Variants in PEAR1 observed in about 807,000 individuals in gnomAD.
PEAR1 encodes the protein platelet endothelial aggregation receptor 1.
Under a neutral mutation model 131.2 loss-of-function variants are expected in PEAR1, and 113 were observed. That is an observed-to-expected ratio of 0.86 (90% CI 0.74 to 1.01). PEAR1 has a LOEUF of 1.01. Among genes scored for constraint, PEAR1 ranks in the 50% least tolerant of loss-of-function variants. The pLI is 0.00. For synonymous variants in PEAR1, 565 were observed against 523.3 expected (o/e 1.08, Z -1.09); for missense variants, 1,408 against 1,391.1 (o/e 1.01, Z -0.19).
intron 1 of PEAR1, among the ~76,000 whole-genome samples, chr1:156,900,842 G>C (rs751882148): frequency 6.6e-6 from 1 of 152,128 alleles, no homozygotes; most frequent in African/African-American, 2.4e-5. Context: ...GGGTCCAGGA[G>C]TGGTCTCATT....
intron 22 of PEAR1, 138 bp downstream of exon 22, chr1:156,914,238 A>G (rs1408814838): frequency 2.2e-6 from 3 of 1,368,826 alleles, no homozygotes; most frequent in Non-Finnish European, 2.9e-6. Flanking sequence ...TCGGGCTCAA[A>G]TCAGGCATGA....
rs747134777 is a variant in PEAR1 at position 156,913,680 on chromosome 1, C to G, written c.2645-12C>G. The G allele has an allele frequency of 2.5e-5, 41 of 1,612,950 alleles. 1 individual carries two copies. In the South Asian group the frequency reaches 4.4e-4, roughly 17 times the overall value. ...ACAGAGGGCTGATTACCAGTTGCCT[C>G]CTCCTCCTCAGGGAGCAGCCGCCTG... On this transcript the variant is annotated splice_polypyrimidine_tract_variant and intron_variant, in intron 20 of 22. Coordinates refer to ENST00000292357, the MANE Select transcript of PEAR1 (RefSeq NM_001080471.3).
rs556188174 is a variant in PEAR1, at chr1:156,894,833, G to A, written c.-10+996G>A. Among the ~76,000 whole-genome samples the A allele has an allele frequency of 9.2e-5, 14 of 152,316 alleles. No individual in the cohort carries two copies. In the East Asian group the frequency reaches 1.4e-3, roughly 15 times the overall value. On this transcript the variant is annotated intron_variant, in intron 1 of 22. Transcript: ENST00000292357. ...CCCAGGCTCAGCCAGGGCTCAGCTC[G>A]GGCAGGATTGGGCCGGGTGTCAGCT...
At chr1:156,905,506 C>A (rs2102989612) in intron 4 of PEAR1, 82 bp downstream of exon 4, 5 of 1,257,654 alleles carry the variant, frequency 4.0e-6, no homozygotes, top group African/African-American at 1.5e-5. Context: ...TCCCTCCCGG[C>A]CCCCGCTAGA....
chr1:156,914,107 C>G lies in PEAR1; in HGVS notation c.2962+7C>G, dbSNP rs1170767358. On this transcript the variant is annotated splice_region_variant and intron_variant, in intron 22 of 22. Coordinates refer to ENST00000292357, the MANE Select transcript of PEAR1 (RefSeq NM_001080471.3). ...CCCAGCCCCCTGATCCATGGTGAGC[C>G]CTCCCTCTCCACTGGCAGGAGCAGC... The G allele has an allele frequency of 6.3e-7, 1 of 1,579,470 alleles. No homozygotes were observed. Among genetic ancestry groups the G allele is most frequent in the Admixed American group, 1.8e-5 (1 of 56,018 alleles).
At chr1:156,901,749 G>A (rs1008293998) in intron 1 of PEAR1, among the ~76,000 whole-genome samples, 2 of 152,176 alleles carry the variant, frequency 1.3e-5, no homozygotes, top group African/African-American at 2.4e-5. Context: ...GAGGGCTCGG[G>A]GTCCTGACCA....
At chr1:156,903,807 G>A (rs892905299) in intron 1 of PEAR1, 111 bp from the exon 2 acceptor site, 7 of 831,742 alleles carry the variant, frequency 8.4e-6, no homozygotes, top group South Asian at 4.6e-5. Flanking sequence ...CAGAGGACAC[G>A]GGGCCGCAGT....
In PEAR1 at chr1:156,911,087, T is replaced by G. The variant is rs562961124; in HGVS notation, c.1951+344T>G. On this transcript the variant is annotated intron_variant, in intron 15 of 22. Coordinates refer to ENST00000292357, the MANE Select transcript of PEAR1 (RefSeq NM_001080471.3). ...TTTCTTTCTTTCTTTCTTTCTTTCTTTCTTTCCTTTCTTTCTTTCTTTTCT... is the reference window on the plus strand; with the variant it reads ...TTTCTTTCTTTCTTTCTTTCTTTCTGTCTTTCCTTTCTTTCTTTCTTTTCT... Among the ~76,000 whole-genome samples the G allele has an allele frequency of 1.5e-3, 206 of 141,180 alleles. 3 individuals carry two copies. The highest frequency in any genetic ancestry group is 2.5e-3 in the Non-Finnish European group (168 of 66,592). 92.6% of individuals were successfully genotyped at this position (141,180 alleles called of 152,430 possible).
Position 156,904,799 on chromosome 1 carries a change from C to T in PEAR1, c.153C>T (p.Pro51=), listed in dbSNP as rs772834355. 1.9e-6 allele frequency: 3 copies of T among 1,613,908 alleles called. No homozygotes were observed. The highest frequency in any genetic ancestry group is 2.5e-6 in the Non-Finnish European group (3 of 1,179,898). The change falls in exon 3 of 23, where the codon CCC becomes CCT. Residue 51 remains proline (P), a synonymous_variant. Transcript: ENST00000292357. ...ESHSRPFSLL[P]SEPCERPWEG... The stretch of plus-strand genomic sequence containing the variant: ...ACTCCCGCCCCTTCAGCCTGCTCCC[C>T]TCAGAGCCCTGCGAGCGGCCCTGGG...
intron 1 of PEAR1, among the ~76,000 whole-genome samples, chr1:156,898,566 A>G (rs1045371966): frequency 1.3e-5 from 2 of 152,084 alleles, no homozygotes; most frequent in Admixed American, 1.3e-4. Context: ...CTCCCTGTGT[A>G]GGGAGGGAGG....
intron 3 of PEAR1, chr1:156,905,065 G>T: frequency 1.5e-5 from 19 of 1,246,858 alleles, no homozygotes; most frequent in African/African-American, 3.2e-5. Flanking sequence ...GCATGTTACA[G>T]TATATGCCTG....
In PEAR1 at chr1:156,904,729, C is replaced by T; in HGVS notation, c.102-19C>T. On this transcript the variant is annotated intron_variant, in intron 2 of 22. Transcript: ENST00000292357. The stretch of plus-strand genomic sequence containing the variant: ...GCCTCCTCCTGCCCTCGGCCCTGAC[C>T]CTGTTCCCTGTCTTGCAGCTTCACT... The T allele has an allele frequency of 6.2e-7, 1 of 1,601,360 alleles. No individual in the cohort carries two copies. Among genetic ancestry groups the T allele is most frequent in the South Asian group, 1.1e-5 (1 of 88,864 alleles).
rs758936152 is a variant in PEAR1 at position 156,910,050 on chromosome 1, C to T, written c.1620C>T (p.Asp540=). ...GTTGTGCCAGTCGCTGTGACTGTGA[C>T]CACTCTGATGGCTGTGACCCTGTTC... ...GEGCASRCDC[D]HSDGCDPVHG... Residue 540 remains aspartate (D), a synonymous_variant, in exon 13 of 23, where the codon GAC becomes GAT. Transcript: ENST00000292357. The T allele has an allele frequency of 3.7e-6, 6 of 1,614,012 alleles. No individual in the cohort carries two copies. The South Asian group carries it at 6.6e-5, about 18-fold the overall frequency.
rs1389051781 is a variant in PEAR1, at chr1:156,908,910, T to C, written c.1291-6T>C. 6.2e-7 allele frequency: 1 copy of C among 1,612,928 alleles called. No homozygotes were observed. Among genetic ancestry groups the C allele is most frequent in the East Asian group, 2.2e-5 (1 of 44,874 alleles). ...CCGCCCCTCTCACCCGCTCACCCTCTTTCAGGGCCCTCACTGTGCTAGTCT... is the reference window on the plus strand; with the variant it reads ...CCGCCCCTCTCACCCGCTCACCCTCCTTCAGGGCCCTCACTGTGCTAGTCT... On this transcript the variant is annotated splice_region_variant and splice_polypyrimidine_tract_variant and intron_variant, in intron 10 of 22. Coordinates refer to ENST00000292357, the MANE Select transcript of PEAR1 (RefSeq NM_001080471.3). This position sits in a 1 kb window ranked among gnomAD's most constrained non-coding sequence, Gnocchi z 4.2.
rs1650494892 is a variant in PEAR1, at chr1:156,907,704, T to C, written c.739T>C (p.Ser247Pro). The C allele has an allele frequency of 6.2e-7, 1 of 1,612,358 alleles. No individual in the cohort carries two copies. ...AGGTGTCTTCCAAACCCCACAGGGC[T>C]CCTGCAGCTGCCCCCCTGGCTGGAT... is the stretch of plus-strand genomic sequence containing the variant. ...NGGVFQTPQG[S>P]CSCPPGWMGT... The change falls in exon 7 of 23, where the codon TCC becomes CCC. Residue 247 changes from serine (S) to proline (P), a missense_variant. By Grantham distance (74) the Ser-to-Pro change is moderately conservative. Coordinates refer to ENST00000292357, the MANE Select transcript of PEAR1 (RefSeq NM_001080471.3).
At chr1:156,903,737 G>A (rs907748298) in intron 1 of PEAR1, among the ~76,000 whole-genome samples, 181 bp from the exon 2 acceptor site, 5 of 152,186 alleles carry the variant, frequency 3.3e-5, no homozygotes, top group Non-Finnish European at 7.4e-5. Context: ...GACCGGAGGC[G>A]TGGAAGTGAC....
In PEAR1 at chr1:156,906,799, A is replaced by T. The variant is rs769670931; in HGVS notation, c.563A>T (p.Gln188Leu). 1 of 1,614,090 alleles carries T rather than the reference A, an allele frequency of 6.2e-7. No individual in the cohort carries two copies. The highest frequency in any genetic ancestry group is 8.5e-7 in the Non-Finnish European group (1 of 1,180,050). Residue 188 changes from glutamine to leucine, a missense_variant, in exon 6 of 23, where the codon CAG becomes CTG. Coordinates refer to ENST00000292357, the MANE Select transcript of PEAR1 (RefSeq NM_001080471.3). ...CCTGGCTACTATGGCCCTGCCTGCC[A>T]GTTCCGCTGCCAGTGCCATGGGGCA... ...CTPGYYGPAC[Q>L]FRCQCHGAPC...
At chr1:156,903,537 G>A (rs2102980974) in intron 1 of PEAR1, among the ~76,000 whole-genome samples, 1 of 152,270 alleles carries the variant, frequency 6.6e-6, no homozygotes, top group South Asian at 2.1e-4. Flanking sequence ...TCATGGTCAG[G>A]GAGCAGGCAC....
rs1558149749 is a variant in PEAR1 at position 156,913,519 on chromosome 1, CAG to C, written c.2641_2642del (p.Arg881GlyfsTer12). ...GGGAGCCCCCTCCAGGGCCTCTGGACAGGGGTAGGTGCCGGGAGGCCAGGGTC... is the reference window on the plus strand; with the variant it reads ...GGGAGCCCCCTCCAGGGCCTCTGGACGGGTAGGTGCCGGGAGGCCAGGGTC... ...RREPPPGPLD[R>X]GSSRLDRSYS... On this transcript the variant is annotated frameshift_variant and splice_region_variant, in exon 20 of 23. Transcript: ENST00000292357. LOFTEE classifies it high-confidence loss of function. 7 of 1,612,330 alleles carry C rather than the reference CAG, an allele frequency of 4.3e-6. No individual in the cohort carries two copies. In the Admixed American group the frequency reaches 6.7e-5, roughly 15 times the overall value.
Sources: gnomAD v4.1 joint callset for allele counts (sites outside exome capture counted in the v4.1 genomes callset) on GRCh38, gnomAD v4.1.1 for gene constraint, Gnocchi (gnomAD v3.1) non-coding constraint, MANE v1.5 for transcripts, NCBI Gene and HGNC (gene_info 2026-07-23, HGNC 2026-07-21) for gene names.